The following NR1D2 variants were observed in gnomAD, a reference collection of about 807,000 sequenced individuals.
NR1D2 encodes nuclear receptor subfamily 1 group D member 2, also known as V-erbA-related protein 1-related.
A neutral mutation model predicts 52.2 loss-of-function variants in NR1D2; 25 were observed. The observed-to-expected ratio is 0.48, with a 90% CI of 0.35 to 0.67. The LOEUF is 0.67. Among genes scored for constraint, NR1D2 ranks in the 30% least tolerant of loss-of-function variants. NR1D2 has a pLI of 0.01. For missense variants in NR1D2, 681 were observed against 707.2 expected (o/e 0.96, Z 0.42); for synonymous variants, 259 against 230.1 (o/e 1.13, Z -1.14).
chr3:23,971,075 C>A lies in NR1D2; in HGVS notation c.1543+3052C>A, dbSNP rs538227360. 2.0e-5 allele frequency among the ~76,000 whole-genome samples: 3 copies of A among 152,112 alleles called. No individual in the cohort carries two copies. The South Asian group carries it at 6.2e-4, about 32-fold the overall frequency. On this transcript the variant is annotated intron_variant, in intron 7 of 7. Transcript: ENST00000312521. Reference sequence around the variant, plus strand: ...GGATTACAGGCATGAGCCACCGTGCCCGGCCAAACAGCAGCATAAATTACT... The same window carrying A: ...GGATTACAGGCATGAGCCACCGTGCACGGCCAAACAGCAGCATAAATTACT...
At chr3:23,959,523 C>G (rs981690905) in intron 3 of NR1D2, 148 bp from the exon 4 acceptor site, 1 of 608,698 alleles carries the variant, frequency 1.6e-6, no homozygotes, top group African/African-American at 1.9e-5. Context: ...GTATTTCCCT[C>G]TGTCCTAAGA....
chr3:23,962,321 C>T lies in NR1D2; in HGVS notation c.862C>T (p.Pro288Ser). 1 of 1,614,172 alleles carries T rather than the reference C, an allele frequency of 6.2e-7. No individual in the cohort carries two copies. The highest frequency in any genetic ancestry group is 1.7e-5 in the Admixed American group (1 of 60,016). ...GCAGCCCCAGAGAGGAGAACGGATT[C>T]CCAAGAACATGGAGCAATATAATTT... ...SMQPQRGERI[P>S]KNMEQYNLNH... Residue 288 changes from proline (P) to serine (S), a missense_variant, in exon 5 of 8, where the codon CCC (proline) becomes TCC (serine). By Grantham distance (74) the Pro-to-Ser change is moderately conservative. Transcript: ENST00000312521.
chr3:23,977,488 T>C lies in NR1D2; in HGVS notation c.*69T>C, dbSNP rs968854408. 2.0e-6 allele frequency: 2 copies of C among 1,016,590 alleles called. No homozygotes were observed. Among genetic ancestry groups the C allele is most frequent in the African/African-American group, 3.2e-5 (2 of 61,848 alleles). The allele number at this position is 1,016,590 out of a possible 1,614,324, so 63.0% of individuals were successfully genotyped here. ...TTGTGCTAAAATGCATATTTATATGTGTATACCATATGTGGAGATAGAAAA... is the reference window on the plus strand; with the variant it reads ...TTGTGCTAAAATGCATATTTATATGCGTATACCATATGTGGAGATAGAAAA... On this transcript the variant is annotated 3_prime_UTR_variant, in exon 8 of 8. Transcript: ENST00000312521.
chr3:23,947,794 T>G (rs1368483209), intron 1 of NR1D2, among the ~76,000 whole-genome samples: 6 of 150,674 alleles, frequency 4.0e-5, no homozygotes, highest in Non-Finnish European at 8.9e-5. Context: ...GTTTCTGCTA[T>G]CTATCAGTAA....
intron 2 of NR1D2, among the ~76,000 whole-genome samples, chr3:23,955,780 G>T (rs1409724862): frequency 6.6e-6 from 1 of 151,968 alleles, no homozygotes; most frequent in South Asian, 2.1e-4. Flanking sequence ...CTGAGATCAC[G>T]CCACTGCGTT....
rs150071854 is a variant in NR1D2, at chr3:23,980,584, G to A, written c.*3165G>A. On this transcript the variant is annotated 3_prime_UTR_variant, in exon 8 of 8. Transcript: ENST00000312521. Reference sequence around the variant, plus strand: ...CATGTTTCTGAGAAGTAATCTGTATGTGGGGGGAGGGGATAATAAATATTT... The same window carrying A: ...CATGTTTCTGAGAAGTAATCTGTATATGGGGGGAGGGGATAATAAATATTT... The A allele has an allele frequency of 1.3e-5, 2 of 152,188 alleles. No homozygotes were observed. Among genetic ancestry groups the A allele is most frequent in the Non-Finnish European group, 2.9e-5 (2 of 67,986 alleles). The allele number at this position is 152,188 out of a possible 1,614,324, so 9.4% of individuals were successfully genotyped here. A position where few individuals can be genotyped will look rare whatever the true frequency, so the allele number is the denominator to read the frequency against.
chr3:23,946,267 G>T (rs921252026), intron 1 of NR1D2: 3 of 985,478 alleles, frequency 3.0e-6, no homozygotes, highest in Non-Finnish European at 2.4e-6. Context: ...ACCCCAAGGC[G>T]CGGACCCCGC....
At chr3:23,969,404 G>A (rs1268742000) in intron 7 of NR1D2, among the ~76,000 whole-genome samples, 1 of 152,150 alleles carries the variant, frequency 6.6e-6, no homozygotes, top group African/African-American at 2.4e-5. Flanking sequence ...TACCTTTTCT[G>A]ACCAGCTCTA....
In NR1D2 at chr3:23,979,257, TAAG is replaced by T. The variant is rs1329769246; in HGVS notation, c.*1839_*1841del. On this transcript the variant is annotated 3_prime_UTR_variant, in exon 8 of 8. Transcript: ENST00000312521. ...TATAAACCATAATTGTGATTTACCT[TAAG>T]TAGGTATAACTCTTATGGGATATAC... The T allele has an allele frequency of 6.6e-6, 1 of 152,148 alleles. No homozygotes were observed. Among genetic ancestry groups the T allele is most frequent in the Non-Finnish European group, 1.5e-5 (1 of 67,962 alleles). The allele number at this position is 152,148 out of a possible 1,614,324, so 9.4% of individuals were successfully genotyped here. A position where few individuals can be genotyped will look rare whatever the true frequency, so the allele number is the denominator to read the frequency against.
At chr3:23,970,993 C>T (rs1182874701) in intron 7 of NR1D2, among the ~76,000 whole-genome samples, 2 of 152,118 alleles carry the variant, frequency 1.3e-5, no homozygotes, top group Non-Finnish European at 1.5e-5. Context: ...GTTGGTCAGG[C>T]TAGTCTCGAA....
In NR1D2 at chr3:23,978,579, G is replaced by A. The variant is rs530664039; in HGVS notation, c.*1160G>A. On this transcript the variant is annotated 3_prime_UTR_variant, in exon 8 of 8. Transcript: ENST00000312521. Reference sequence around the variant, plus strand: ...AAAAGTTGATTCATATTCTTACCTTGTGCTGAGAAAGGTTGCATTGCTGCC... The same window carrying A: ...AAAAGTTGATTCATATTCTTACCTTATGCTGAGAAAGGTTGCATTGCTGCC... 1 of 151,938 alleles carries A rather than the reference G, an allele frequency of 6.6e-6. No individual in the cohort carries two copies. Among genetic ancestry groups the A allele is most frequent in the East Asian group, 1.9e-4 (1 of 5,172 alleles). 9.4% of individuals were successfully genotyped at this position (151,938 alleles called of 1,614,324 possible).
In NR1D2 at chr3:23,980,299, G is replaced by A. The variant is rs1706842767; in HGVS notation, c.*2880G>A. 6.6e-6 allele frequency: 1 copy of A among 152,052 alleles called. No individual in the cohort carries two copies. Among genetic ancestry groups the A allele is most frequent in the Non-Finnish European group, 1.5e-5 (1 of 67,986 alleles). 9.4% of individuals were successfully genotyped at this position (152,052 alleles called of 1,614,324 possible). On this transcript the variant is annotated 3_prime_UTR_variant, in exon 8 of 8. Transcript: ENST00000312521. ...TTTCTTTTCCAATATAAAGTTTGCT[G>A]AATGTACAAGAAGAGTTTATCACTT...
At chr3:23,961,389 CTTTTTTTTTTTTTTT>C (rs869108010) in intron 4 of NR1D2, among the ~76,000 whole-genome samples, 4 of 76,014 alleles carry the variant, frequency 5.3e-5, no homozygotes, top group East Asian at 3.7e-4. Flanking sequence ...CTTTTTCTTT[CTTTTTTTTTTTTTTT>C]TTTTTTTTTA....
chr3:23,955,816 CTATCTT>C (rs1559331558), intron 2 of NR1D2, among the ~76,000 whole-genome samples: 1 of 151,362 alleles, frequency 6.6e-6, no homozygotes, highest in Non-Finnish European at 1.5e-5. Flanking sequence ...GAGGGAGACT[CTATCTT>C]TAAAACAAAA....
intron 1 of NR1D2, among the ~76,000 whole-genome samples, chr3:23,946,790 C>T (rs1221716617): frequency 6.6e-6 from 1 of 152,232 alleles, no homozygotes; most frequent in Non-Finnish European, 1.5e-5. Flanking sequence ...TTTCTTGTCA[C>T]ATTTTGTTAC....
In NR1D2 at chr3:23,962,012, CAG is replaced by C; in HGVS notation, c.556_557del (p.Arg186AspfsTer4). The C allele has an allele frequency of 6.2e-7, 1 of 1,612,272 alleles. No individual in the cohort carries two copies. Among genetic ancestry groups the C allele is most frequent in the Non-Finnish European group, 8.5e-7 (1 of 1,178,928 alleles). On this transcript the variant is annotated frameshift_variant, in exon 5 of 8. Coordinates refer to ENST00000312521, the MANE Select transcript of NR1D2 (RefSeq NM_005126.5). LOFTEE classifies it high-confidence loss of function. Reference protein sequence around the residue: ...RFGRIPKREKQRMLIEMQSAM... With the variant: ...RFGRIPKREKXRMLIEMQSAM... ...TGGTCGTATTCCTAAGCGTGAAAAA[CAG>C]AGGATGCTAATTGAAATGCAAAGTG...
chr3:23,948,843 C>T (rs1705848876), intron 1 of NR1D2, among the ~76,000 whole-genome samples: 2 of 152,168 alleles, frequency 1.3e-5, no homozygotes, highest in Non-Finnish European at 2.9e-5. Context: ...CTTGGTGGTC[C>T]TGTCTTCTTG....
At chr3:23,964,109 C>A (rs1176871753) in intron 5 of NR1D2, among the ~76,000 whole-genome samples, 3 of 150,258 alleles carry the variant, frequency 2.0e-5, no homozygotes, top group African/African-American at 7.4e-5. Context: ...GACGGAGTCT[C>A]ACTCTGTCAC....
At chr3:23,974,818 ATTT>A (rs1355921800) in intron 7 of NR1D2, among the ~76,000 whole-genome samples, 3 of 134,810 alleles carry the variant, frequency 2.2e-5, no homozygotes, top group Non-Finnish European at 1.6e-5. Flanking sequence ...CCAATATCCA[ATTT>A]TTTTTTTTTT....
Sources: gnomAD v4.1 joint callset for allele counts (sites outside exome capture counted in the v4.1 genomes callset) on GRCh38, gnomAD v4.1.1 for gene constraint, MANE v1.5 for transcripts, NCBI Gene and HGNC (gene_info 2026-07-23, HGNC 2026-07-21) for gene names.